TXNL4B: variants seen among roughly 807,000 people sequenced by gnomAD.
TXNL4B encodes the protein thioredoxin like 4B.
A neutral mutation model predicts 13.0 loss-of-function variants in TXNL4B; 12 were observed. The ratio of observed to expected loss-of-function variants is 0.92; its 90% CI spans 0.59 to 1.49. The LOEUF (loss-of-function observed/expected upper bound fraction) is 1.49, where lower values mean the gene tolerates loss of function less well. Ranked by LOEUF, TXNL4B falls within the 40% of genes most tolerant of loss-of-function variation. The pLI is 0.00. For missense variants in TXNL4B, 214 were observed against 173.6 expected (o/e 1.23, Z -1.31); for synonymous variants, 59 against 58.9 (o/e 1.00, Z -0.01).
At chr16:72,086,857 T>C (rs1597427392) in intron 3 of TXNL4B, 55 bp from the exon 4 acceptor site, 1 of 1,381,912 alleles carries the variant, frequency 7.2e-7, no homozygotes, top group Non-Finnish European at 9.8e-7. Flanking sequence ...AATCACTTGT[T>C]GAAGACTTTC....
intron 3 of TXNL4B, among the ~76,000 whole-genome samples, 173 bp downstream of exon 3, chr16:72,088,814 C>T (rs774107075): frequency 1.4e-4 from 21 of 152,202 alleles, no homozygotes; most frequent in Non-Finnish European, 2.8e-4. Flanking sequence ...ACCAGAAGCA[C>T]TCTCATTTTG....
chr16:72,086,890 G>C, intron 3 of TXNL4B, 88 bp from the exon 4 acceptor site: 1 of 1,041,878 alleles, frequency 9.6e-7, no homozygotes, highest in Non-Finnish European at 1.4e-6. Flanking sequence ...ATGAAAAACA[G>C]CTTTGTTATT....
At chr16:72,087,832 T>C (rs866031879) in intron 3 of TXNL4B, among the ~76,000 whole-genome samples, 13 of 152,116 alleles carry the variant, frequency 8.5e-5, no homozygotes, top group South Asian at 4.1e-4. Flanking sequence ...GCCTGGCTAA[T>C]CTTTTTTTTG....
intron 1 of TXNL4B, among the ~76,000 whole-genome samples, chr16:72,091,075 C>T (rs1285277627): frequency 1.3e-5 from 2 of 152,010 alleles, no homozygotes; most frequent in Non-Finnish European, 2.9e-5. Flanking sequence ...TTTTTTTTCT[C>T]TCTCTCCCCA....
At chr16:72,090,150 G>C (rs1279112960) in intron 2 of TXNL4B, 1 of 456,086 alleles carries the variant, frequency 2.2e-6, no homozygotes, top group East Asian at 6.9e-5. Flanking sequence ...GTCTCTCTCT[G>C]CATCAGGCAC....
upstream of TXNL4B, chr16:72,093,867 C>G (rs776660600): frequency 4.6e-5 from 7 of 152,442 alleles, no homozygotes; most frequent in Non-Finnish European, 7.3e-5. Context: ...AGGAATCGGG[C>G]GTGTTCCAGG....
At chr16:72,087,286 T>A (rs966766396) in intron 3 of TXNL4B, 2 of 152,912 alleles carry the variant, frequency 1.3e-5, no homozygotes, top group Admixed American at 6.5e-5. Context: ...AAATCACGGA[T>A]GAGGCCAGAG....
intron 1 of TXNL4B, among the ~76,000 whole-genome samples, chr16:72,092,509 T>C (rs997631703): frequency 2.0e-4 from 31 of 152,100 alleles, no homozygotes; most frequent in Admixed American, 2.0e-3. Flanking sequence ...GGGACATTGA[T>C]GGCCCAAAGG....
intron 2 of TXNL4B, chr16:72,090,246 C>T: frequency 2.2e-6 from 1 of 460,488 alleles, no homozygotes; most frequent in Admixed American, 2.3e-5. Context: ...AGTGGATCTG[C>T]ACCTGTGGGA....
At position 72,089,098 on chromosome 16, in the gene TXNL4B, A is replaced by G; in HGVS notation, c.173T>C (p.Ile58Thr). The stretch of plus-strand genomic sequence containing the variant: ...AGTTTGGTCCACATCTACCAGGTAT[A>G]TAGCAGCCATTTTACTTAAGTCAGA... ...TSSDLSKMAA[I>T]YLVDVDQTAV... The change falls in exon 3 of 4, where the codon ATA becomes ACA. Residue 58 changes from isoleucine (I) to threonine (T), a missense_variant. By Grantham distance (89) the Ile-to-Thr change is moderately conservative. Coordinates refer to ENST00000268483, the MANE Select transcript of TXNL4B (RefSeq NM_017853.3). The G allele has an allele frequency of 6.2e-7, 1 of 1,613,062 alleles. No homozygotes were observed. Among genetic ancestry groups the G allele is most frequent in the Non-Finnish European group, 8.5e-7 (1 of 1,179,056 alleles).
rs1416829816 is a variant in TXNL4B at position 72,086,489 on chromosome 16, C to T, written c.*148G>A. 13 of 627,660 alleles carry T rather than the reference C, an allele frequency of 2.1e-5. No individual in the cohort carries two copies. Among genetic ancestry groups the T allele is most frequent in the South Asian group, 8.9e-5 (3 of 33,754 alleles). The allele number at this position is 627,660 out of a possible 1,614,324, so 38.9% of individuals were successfully genotyped here. A position where few individuals can be genotyped will look rare whatever the true frequency, so the allele number is the denominator to read the frequency against. On this transcript the variant is annotated 3_prime_UTR_variant, in exon 4 of 4. Transcript: ENST00000268483. Reference sequence around the variant, plus strand: ...CATCAGAGAACCAGTGGGGTCTTTTCCTCAGGGGCCGGGTTTTCTACACGC... The same window carrying T: ...CATCAGAGAACCAGTGGGGTCTTTTTCTCAGGGGCCGGGTTTTCTACACGC...
chr16:72,092,388 G>GTACTCC (rs1321776564), intron 1 of TXNL4B, among the ~76,000 whole-genome samples: 7 of 151,888 alleles, frequency 4.6e-5, no homozygotes, highest in Non-Finnish European at 1.0e-4. Flanking sequence ...ACTCCAGCCT[G>GTACTCC]GGCAAGGCAA....
At chr16:72,090,270 C>T (rs1444003129) in intron 2 of TXNL4B, 1 of 456,872 alleles carries the variant, frequency 2.2e-6, no homozygotes, top group Non-Finnish European at 4.3e-6. Context: ...TACTTGACCT[C>T]TCTGGTTTTT....
intron 2 of TXNL4B, 77 bp downstream of exon 2, chr16:72,090,541 C>A (rs2041889598): frequency 4.1e-6 from 6 of 1,479,032 alleles, no homozygotes; most frequent in African/African-American, 1.4e-5. Context: ...ACTACTCCCT[C>A]TCATGTACTA....
intron 2 of TXNL4B, chr16:72,090,101 C>T: frequency 2.2e-6 from 1 of 456,014 alleles, no homozygotes; most frequent in South Asian, 1.5e-5. Flanking sequence ...GGGATGGTAG[C>T]AGTAGAAATG....
At position 72,093,419 on chromosome 16, in the gene TXNL4B, A is replaced by C. The variant is rs984851440; in HGVS notation, c.-90T>G. 1.3e-5 allele frequency: 2 copies of C among 152,140 alleles called. No individual in the cohort carries two copies. The highest frequency in any genetic ancestry group is 2.9e-5 in the Non-Finnish European group (2 of 68,066). 9.4% of individuals were successfully genotyped at this position (152,140 alleles called of 1,614,324 possible). On this transcript the variant is annotated 5_prime_UTR_variant, in exon 1 of 4. Coordinates refer to ENST00000268483, the MANE Select transcript of TXNL4B (RefSeq NM_017853.3). ...TTTCACTTTGTGGCTGTCAGCAACCACTTCTCGGAAGAGCCCGGGCGCGGA... is the reference window on the plus strand; with the variant it reads ...TTTCACTTTGTGGCTGTCAGCAACCCCTTCTCGGAAGAGCCCGGGCGCGGA...
At chr16:72,091,770 AGT>A (rs1000186493) in intron 1 of TXNL4B, among the ~76,000 whole-genome samples, 4 of 152,196 alleles carry the variant, frequency 2.6e-5, no homozygotes, top group African/African-American at 9.7e-5. Context: ...ATCAATTAAG[AGT>A]GTGTGTGAAA....
intron 1 of TXNL4B, 36 bp from the exon 2 acceptor site, chr16:72,090,822 A>AT: frequency 1.5e-5 from 24 of 1,572,888 alleles, no homozygotes; most frequent in Non-Finnish European, 2.0e-5. Flanking sequence ...GACAGTTTAG[A>AT]TTAAGTGCGT....
At chr16:72,094,062 C>G (rs928044524), upstream of TXNL4B, 1 of 152,362 alleles carries the variant, frequency 6.6e-6, no homozygotes, top group Admixed American at 6.5e-5. Context: ...GTGAGAGTCC[C>G]TTCTTCCTTC....
Sources: gnomAD v4.1 joint callset for allele counts (sites outside exome capture counted in the v4.1 genomes callset) on GRCh38, gnomAD v4.1.1 for gene constraint, MANE v1.5 for transcripts, NCBI Gene and HGNC (gene_info 2026-07-23, HGNC 2026-07-21) for gene names.